NRXN1: variants seen among roughly 807,000 people sequenced by gnomAD.
NRXN1 encodes the protein neurexin-1.
A neutral mutation model predicts 150.9 loss-of-function variants in NRXN1; 39 were observed. That is an observed-to-expected ratio of 0.26 (90% confidence interval 0.20 to 0.34). NRXN1 has a LOEUF of 0.34. NRXN1 is among the 10% of genes least tolerant of loss of function. NRXN1 has a pLI of 1.00. For synonymous variants in NRXN1, 924 were observed against 757.0 expected, an observed-to-expected ratio of 1.22 and a Z score of -3.62; for missense variants, 1,815 against 1,949.9, an observed-to-expected ratio of 0.93 and a Z score of 1.30.
At chr2:50,077,754 T>G (rs1396841739) in intron 19 of NRXN1, among the ~76,000 whole-genome samples, 1 of 152,152 alleles carries the variant, frequency 6.6e-6, no homozygotes, top group East Asian at 1.9e-4. Context: ...ATGCATATGG[T>G]AATATCTAGA....
chr2:50,676,533 G>A (rs1363005352), intron 5 of NRXN1, among the ~76,000 whole-genome samples: 1 of 152,088 alleles, frequency 6.6e-6, no homozygotes, highest in East Asian at 1.9e-4. Flanking sequence ...TTTCTTGTCT[G>A]TACAATGTAA....
chr2:50,865,351 G>A (rs1030710732), intron 5 of NRXN1, among the ~76,000 whole-genome samples: 1 of 152,014 alleles, frequency 6.6e-6, no homozygotes, highest in East Asian at 1.9e-4. Context: ...GGGGAAGTCA[G>A]TCCAAATTCT....
At chr2:49,968,251 C>T (rs2152492026) in intron 21 of NRXN1, among the ~76,000 whole-genome samples, 1 of 152,072 alleles carries the variant, frequency 6.6e-6, no homozygotes, top group East Asian at 1.9e-4. Flanking sequence ...GGGTCTGAGA[C>T]AGTTATGCAG....
chr2:50,091,331 T>C lies in NRXN1; in HGVS notation c.3710A>G (p.Tyr1237Cys), dbSNP rs1699528779. 6.2e-7 allele frequency: 1 copy of C among 1,614,156 alleles called. No individual in the cohort carries two copies. Among genetic ancestry groups the C allele is most frequent in the Non-Finnish European group, 8.5e-7 (1 of 1,180,016 alleles). Residue 1237 changes from tyrosine to cysteine, a missense_variant, in exon 19 of 23, where the codon TAC (tyrosine) becomes TGC (cysteine). Tyr to Cys is a radical substitution (Grantham distance 194). Transcript: ENST00000401669. ...QVDSWPVIER[Y>C]PAGNNDNERL... ...CATATTCACTTGCTTACCTGCAGGG[T>C]AGCGCTCGATCACTGGCCAGCTGTC...
At chr2:50,311,521 A>T (rs184007980) in intron 17 of NRXN1, among the ~76,000 whole-genome samples, 1 of 152,238 alleles carries the variant, frequency 6.6e-6, no homozygotes, top group African/African-American at 2.4e-5. Flanking sequence ...TGAATTCTAG[A>T]CAGCAACTTG....
intron 18 of NRXN1, among the ~76,000 whole-genome samples, chr2:50,234,003 C>T (rs183379881): frequency 2.2e-3 from 333 of 151,898 alleles, no homozygotes; most frequent in African/African-American, 7.3e-3. Flanking sequence ...TCCTTTCTTC[C>T]CTCCCTTTCT....
At chr2:50,032,557 G>C (rs1689337724) in intron 21 of NRXN1, among the ~76,000 whole-genome samples, 1 of 152,062 alleles carries the variant, frequency 6.6e-6, no homozygotes, top group African/African-American at 2.4e-5. Flanking sequence ...GCTAAAAGCT[G>C]TTTCAAGTTC....
chr2:50,222,668 G>A (rs1050910901), intron 18 of NRXN1, among the ~76,000 whole-genome samples: 2 of 151,844 alleles, frequency 1.3e-5, no homozygotes, highest in African/African-American at 4.8e-5. Flanking sequence ...ACATGTAGCA[G>A]ATGCATGTTA....
At chr2:50,058,802 C>G (rs1231020917) in intron 19 of NRXN1, among the ~76,000 whole-genome samples, 1 of 152,070 alleles carries the variant, frequency 6.6e-6, no homozygotes, top group Non-Finnish European at 1.5e-5. Flanking sequence ...AATGGCAGTT[C>G]CCCTGCAGAT....
chr2:50,441,057 A>G (rs146802723), intron 17 of NRXN1, among the ~76,000 whole-genome samples: 21 of 152,340 alleles, frequency 1.4e-4, no homozygotes, highest in African/African-American at 5.1e-4. Flanking sequence ...AAGATTATCA[A>G]ATTTCTAGAA....
intron 5 of NRXN1, among the ~76,000 whole-genome samples, chr2:50,826,620 C>A (rs187177019): frequency 6.6e-6 from 1 of 152,008 alleles, no homozygotes; most frequent in Non-Finnish European, 1.5e-5. Flanking sequence ...TTTTAAAGTG[C>A]GGTTCAGTGA....
At chr2:50,833,809 A>T (rs1671732465) in intron 5 of NRXN1, among the ~76,000 whole-genome samples, 1 of 152,202 alleles carries the variant, frequency 6.6e-6, no homozygotes, top group Non-Finnish European at 1.5e-5. Context: ...TGTTAATTTA[A>T]AAAAATCTTC....
intron 5 of NRXN1, among the ~76,000 whole-genome samples, chr2:50,658,439 T>TGTGTGTGTGTGTGTGTGTGTGTG (rs1553935244): frequency 7.3e-5 from 11 of 151,600 alleles, no homozygotes; most frequent in South Asian, 2.1e-4. Context: ...TGTGTGTGTG[T>TGTGTGTGTGTGTGTGTGTGTGTG]TTGAGGCAGG....
chr2:50,208,273 G>A (rs962463958), intron 18 of NRXN1, among the ~76,000 whole-genome samples: 2 of 152,030 alleles, frequency 1.3e-5, no homozygotes, highest in Non-Finnish European at 2.9e-5. Context: ...CTCATGCCCA[G>A]CAACTTTCTG....
chr2:49,976,621 T>C (rs534597271), intron 21 of NRXN1, among the ~76,000 whole-genome samples: 1 of 152,200 alleles, frequency 6.6e-6, no homozygotes, highest in East Asian at 1.9e-4. Flanking sequence ...CTTTTTTTCA[T>C]GTAAAGAAAA....
intron 19 of NRXN1, 63 bp from the exon 20 acceptor site, chr2:50,055,107 T>C (rs979286603): frequency 1.8e-6 from 2 of 1,133,272 alleles, no homozygotes; most frequent in Admixed American, 2.8e-5. Flanking sequence ...TAAAAGTTAA[T>C]ACTTAAAGAT....
intron 17 of NRXN1, among the ~76,000 whole-genome samples, chr2:50,405,767 G>C (rs2082712805): frequency 6.6e-6 from 1 of 152,018 alleles, no homozygotes; most frequent in South Asian, 2.1e-4. Context: ...TTAATTTCCT[G>C]AGGAATTAAT....
chr2:50,310,604 T>C (rs1016520071), intron 17 of NRXN1, among the ~76,000 whole-genome samples: 1 of 152,176 alleles, frequency 6.6e-6, no homozygotes, highest in African/African-American at 2.4e-5. Context: ...TTAAACATTA[T>C]TATTACTTCA....
intron 5 of NRXN1, among the ~76,000 whole-genome samples, chr2:50,815,222 T>A (rs1365346076): frequency 6.6e-6 from 1 of 152,128 alleles, no homozygotes; most frequent in Non-Finnish European, 1.5e-5. Context: ...TTAAAGCAGG[T>A]ACACAAGACA....
Sources: allele counts gnomAD v4.1 joint callset (sites outside exome capture counted in the v4.1 genomes callset), GRCh38; gene constraint gnomAD v4.1.1; transcripts MANE v1.5; gene names NCBI Gene and HGNC (gene_info 2026-07-23, HGNC 2026-07-21).